Variants in RNF214 observed in about 807,000 individuals in gnomAD.
The protein encoded by RNF214 is ring finger protein 214.
Under a neutral mutation model 75.9 loss-of-function variants are expected in RNF214, and 25 were observed. The observed-to-expected ratio is 0.33, with a 90% CI of 0.24 to 0.46. The LOEUF is 0.46. Ranked by LOEUF, RNF214 falls within the 20% of genes least tolerant of loss-of-function variation. RNF214 has a pLI of 1.00. For synonymous variants in RNF214, 314 were observed against 308.8 expected, an observed-to-expected ratio of 1.02 and a Z score of -0.18; for missense variants, 725 against 857.5, an observed-to-expected ratio of 0.85 and a Z score of 1.93.
chr11:117,282,369 T>C, intron 11 of RNF214, 35 bp from the exon 12 acceptor site: 1 of 1,611,236 alleles, frequency 6.2e-7, no homozygotes. Flanking sequence ...GGGTATAGCA[T>C]AGGCTTTCTC....
chr11:117,267,869 A>G (rs2033829817), intron 6 of RNF214, among the ~76,000 whole-genome samples: 3 of 152,222 alleles, frequency 2.0e-5, no homozygotes, highest in African/African-American at 7.2e-5. Flanking sequence ...GGGAAATACA[A>G]TTTAAAAAAT....
intron 6 of RNF214, among the ~76,000 whole-genome samples, chr11:117,258,347 G>A (rs781655588): frequency 5.3e-5 from 8 of 152,008 alleles, no homozygotes; most frequent in East Asian, 1.9e-4. Flanking sequence ...ATTTACAGGC[G>A]TGAGCCACCA....
Position 117,282,139 on chromosome 11 carries a change from T to G in RNF214, c.1581T>G (p.Pro527=). The G allele has an allele frequency of 6.2e-7, 1 of 1,614,020 alleles. No homozygotes were observed. The highest frequency in any genetic ancestry group is 8.5e-7 in the Non-Finnish European group (1 of 1,179,940). ...LVSPHGPHMP[P]AASIPPPPGL... Reference sequence around the variant, plus strand: ...GCCCCCACGGTCCACACATGCCCCCTGCCGCCTCCATCCCACCTCCCCCAG... The same window carrying G: ...GCCCCCACGGTCCACACATGCCCCCGGCCGCCTCCATCCCACCTCCCCCAG... Residue 527 remains proline, a synonymous_variant, in exon 11 of 15, where the codon CCT becomes CCG. Coordinates refer to ENST00000300650, the MANE Select transcript of RNF214 (RefSeq NM_207343.4).
At chr11:117,237,452 C>G (rs907838071) in intron 2 of RNF214, among the ~76,000 whole-genome samples, 9 of 152,202 alleles carry the variant, frequency 5.9e-5, no homozygotes, top group South Asian at 2.1e-4. Context: ...ACTTGAATCC[C>G]CATTGCTAGT....
Position 117,246,790 on chromosome 11 carries a change from G to C in RNF214, c.820-19G>C, listed in dbSNP as rs757462589. The C allele has an allele frequency of 6.6e-7, 1 of 1,513,130 alleles. No individual in the cohort carries two copies. Among genetic ancestry groups the C allele is most frequent in the Non-Finnish European group, 8.9e-7 (1 of 1,128,280 alleles). The allele number at this position is 1,513,130 out of a possible 1,614,324, so 93.7% of individuals were successfully genotyped here. On this transcript the variant is annotated intron_variant, in intron 5 of 14. Coordinates refer to ENST00000300650, the MANE Select transcript of RNF214 (RefSeq NM_207343.4). The stretch of plus-strand genomic sequence containing the variant: ...TTTTCTTTTTTATTTGTGTGCGACT[G>C]TAATTGTGTGGAACTCAGGAGATAT...
intron 2 of RNF214, among the ~76,000 whole-genome samples, chr11:117,234,978 AAAAT>A (rs763452434): frequency 6.6e-5 from 10 of 152,164 alleles, no homozygotes; most frequent in Non-Finnish European, 1.5e-4. Flanking sequence ...AAAAAGATAA[AAAAT>A]AAATAAAGTG....
At chr11:117,251,669 TGAAG>T (rs1341252306) in intron 6 of RNF214, among the ~76,000 whole-genome samples, 3 of 151,760 alleles carry the variant, frequency 2.0e-5, no homozygotes, top group Non-Finnish European at 2.9e-5. Flanking sequence ...AGGCAACAAA[TGAAG>T]GAAAAGACAC....
At chr11:117,254,265 A>G (rs748683755) in intron 6 of RNF214, among the ~76,000 whole-genome samples, 2 of 152,158 alleles carry the variant, frequency 1.3e-5, no homozygotes, top group South Asian at 2.1e-4. Context: ...AAAAAAAAAC[A>G]AAGTGCATGC....
intron 6 of RNF214, among the ~76,000 whole-genome samples, chr11:117,276,228 A>G (rs921768183): frequency 6.6e-6 from 1 of 152,212 alleles, no homozygotes; most frequent in African/African-American, 2.4e-5. Context: ...CACAGAAGGA[A>G]CATACCTCAA....
At chr11:117,263,914 T>C in intron 6 of RNF214, 1 of 248,760 alleles carries the variant, frequency 4.0e-6, no homozygotes, top group Non-Finnish European at 7.8e-6. Flanking sequence ...AGGAGGACTG[T>C]CTTTAGAATA....
At chr11:117,250,977 AG>A (rs1337116782) in intron 6 of RNF214, among the ~76,000 whole-genome samples, 1 of 146,416 alleles carries the variant, frequency 6.8e-6, no homozygotes, top group Non-Finnish European at 1.5e-5. Flanking sequence ...AATTTTTCTT[AG>A]TACAGAACAA....
chr11:117,281,171 G>C, intron 8 of RNF214, 143 bp from the exon 9 acceptor site: 1 of 592,098 alleles, frequency 1.7e-6, no homozygotes, highest in Non-Finnish European at 3.1e-6. Flanking sequence ...ACAGGGTTTA[G>C]CCACATTGCC....
intron 4 of RNF214, among the ~76,000 whole-genome samples, chr11:117,240,408 C>T (rs1215608919): frequency 6.7e-6 from 1 of 148,382 alleles, no homozygotes; most frequent in Admixed American, 6.7e-5. Flanking sequence ...AAAAAAAAGG[C>T]CGGGCACAGT....
At position 117,238,834 on chromosome 11, in the gene RNF214, G is replaced by A. The variant is rs1277766877; in HGVS notation, c.341G>A (p.Ser114Asn). The A allele has an allele frequency of 1.9e-6, 3 of 1,614,186 alleles. No homozygotes were observed. The highest frequency in any genetic ancestry group is 1.6e-4 in the Middle Eastern group (1 of 6,062). ...GSQSDLKDVA[S>N]TAGEEGDTSL... ...CAGTCTGATTTGAAGGATGTGGCCA[G>A]CACAGCAGGAGAGGAGGGGGACACA... Residue 114 changes from serine to asparagine, a missense_variant, in exon 3 of 15, where the codon AGC (serine) becomes AAC (asparagine). Ser to Asn is a conservative substitution (Grantham distance 46). This residue lies in a region of RNF214 where 362 missense variants were observed against 344.5 expected (regional missense o/e 1.05). Transcript: ENST00000300650.
rs773598907 is a variant in RNF214, at chr11:117,238,794, T to C, written c.301T>C (p.Ser101Pro). 9 of 1,614,082 alleles carry C rather than the reference T, an allele frequency of 5.6e-6. No individual in the cohort carries two copies. The highest frequency in any genetic ancestry group is 6.8e-6 in the Non-Finnish European group (8 of 1,180,050). The part of the protein sequence containing the change: ...ENLIATALCL[S>P]GSGSQSDLKD... ...CTTGATAGCCACAGCCCTTTGTCTTTCTGGCAGTGGGTCTCAGTCTGATTT... is the reference window on the plus strand; with the variant it reads ...CTTGATAGCCACAGCCCTTTGTCTTCCTGGCAGTGGGTCTCAGTCTGATTT... The change falls in exon 3 of 15, where the codon TCT becomes CCT. Residue 101 changes from serine to proline, a missense_variant. Ser to Pro is a moderately conservative substitution (Grantham distance 74). Transcript: ENST00000300650.
chr11:117,251,333 A>C (rs1289948760), intron 6 of RNF214, among the ~76,000 whole-genome samples: 1 of 115,898 alleles, frequency 8.6e-6, no homozygotes, highest in Non-Finnish European at 1.8e-5. Context: ...GCGGCCGGGC[A>C]GAGGCGCCCC....
At chr11:117,245,183 G>A (rs1048436039) in intron 5 of RNF214, among the ~76,000 whole-genome samples, 4 of 150,366 alleles carry the variant, frequency 2.7e-5, no homozygotes, top group Non-Finnish European at 5.9e-5. Context: ...GCCGGGCGTG[G>A]TGGTGTGCAC....
chr11:117,281,490 C>T (rs2034126242), intron 9 of RNF214, 86 bp downstream of exon 9: 3 of 1,366,234 alleles, frequency 2.2e-6, no homozygotes, highest in East Asian at 2.3e-5. Flanking sequence ...TTTGCATTGC[C>T]ATTTGGGGCC....
At chr11:117,267,334 G>A (rs1401280641) in intron 6 of RNF214, among the ~76,000 whole-genome samples, 1 of 152,028 alleles carries the variant, frequency 6.6e-6, no homozygotes, top group Non-Finnish European at 1.5e-5. Flanking sequence ...CTTCTTCTTG[G>A]AGGTTAATAG....
Sources: allele counts gnomAD v4.1 joint callset (sites outside exome capture counted in the v4.1 genomes callset), GRCh38; gene constraint gnomAD v4.1.1; regional missense constraint gnomAD v4.1.1; transcripts MANE v1.5; gene names NCBI Gene and HGNC (gene_info 2026-07-23, HGNC 2026-07-21).